TNFSF8: variants seen among roughly 807,000 people sequenced by gnomAD.
TNFSF8 encodes tumor necrosis factor ligand superfamily member 8.
TNFSF8 carries 4 observed loss-of-function variants against 22.0 expected under a neutral mutation model. That is an observed-to-expected ratio of 0.18 (90% CI 0.09 to 0.42). The LOEUF (loss-of-function observed/expected upper bound fraction) is 0.42. Among genes scored for constraint, TNFSF8 ranks in the 10% least tolerant of loss-of-function variants. The pLI is 1.00. For missense variants in TNFSF8, 233 were observed against 281.8 expected (o/e 0.83, Z 1.24); for synonymous variants, 106 against 112.5 (o/e 0.94, Z 0.37).
chr9:114,914,248 ACAGAGGGACCTAATATT>A (rs1232141663), intron 2 of TNFSF8, among the ~76,000 whole-genome samples: 2 of 152,180 alleles, frequency 1.3e-5, no homozygotes, highest in African/African-American at 4.8e-5. Context: ...TCTTGCAAGA[ACAGAGGGACCTAATATT>A]CAATTCTGTG....
At chr9:114,909,082 C>T (rs955916366) in intron 2 of TNFSF8, among the ~76,000 whole-genome samples, 1 of 152,172 alleles carries the variant, frequency 6.6e-6, no homozygotes, top group Non-Finnish European at 1.5e-5. Context: ...GCTGGCAGCT[C>T]ACAGAGTTGA....
chr9:114,918,121 T>C lies in TNFSF8; in HGVS notation c.213A>G (p.Ser71=). The C allele has an allele frequency of 6.2e-7, 1 of 1,607,756 alleles. No homozygotes were observed. Among genetic ancestry groups the C allele is most frequent in the Non-Finnish European group, 8.5e-7 (1 of 1,176,900 alleles). ...CTCCTTTGAGGGGGACGTTGTCAGG[T>C]GAGTTGGGAATGGAGTCCTGGAAGA... is the stretch of plus-strand genomic sequence containing the variant. ...VVQRTDSIPN[S]PDNVPLKGGN... The change falls in exon 2 of 4, where the codon TCA becomes TCG. Residue 71 remains serine, a synonymous_variant. Coordinates refer to ENST00000223795, the MANE Select transcript of TNFSF8 (RefSeq NM_001244.4).
intron 1 of TNFSF8, among the ~76,000 whole-genome samples, chr9:114,928,137 G>T (rs1009689612): frequency 4.6e-5 from 7 of 152,108 alleles, no homozygotes; most frequent in African/African-American, 9.7e-5. Flanking sequence ...ACAGCACACC[G>T]CACTGTACAA....
In TNFSF8 at chr9:114,901,220, T is replaced by C; in HGVS notation, c.*2711A>G. 1 of 985,456 alleles carries C rather than the reference T, an allele frequency of 1.0e-6. No individual in the cohort carries two copies. Among genetic ancestry groups the C allele is most frequent in the South Asian group, 4.7e-5 (1 of 21,288 alleles). 61.0% of individuals were successfully genotyped at this position (985,456 alleles called of 1,614,324 possible). A position where few individuals can be genotyped will look rare whatever the true frequency, so the allele number is the denominator to read the frequency against. On this transcript the variant is annotated 3_prime_UTR_variant, in exon 4 of 4. Transcript: ENST00000223795. ...CATGGAGTATCATTTGCTCATAACATTCCCAGGGGCTGGTTAACCCTCAAG... is the reference window on the plus strand; with the variant it reads ...CATGGAGTATCATTTGCTCATAACACTCCCAGGGGCTGGTTAACCCTCAAG...
intron 2 of TNFSF8, among the ~76,000 whole-genome samples, chr9:114,907,925 T>C (rs1435924966): frequency 6.6e-6 from 1 of 152,166 alleles, no homozygotes; most frequent in Non-Finnish European, 1.5e-5. Flanking sequence ...AGATCCAAAC[T>C]CAGGCTGCCT....
chr9:114,917,970 C>T (rs1827940760), intron 2 of TNFSF8, 126 bp downstream of exon 2: 3 of 906,196 alleles, frequency 3.3e-6, no homozygotes, highest in Non-Finnish European at 4.9e-6. Context: ...CCCTTGCCTC[C>T]ACCCCTACCC....
chr9:114,929,087 T>C (rs1021856366), intron 1 of TNFSF8, among the ~76,000 whole-genome samples: 1 of 152,228 alleles, frequency 6.6e-6, no homozygotes, highest in African/African-American at 2.4e-5. Flanking sequence ...AAAAAATTCA[T>C]GAGCAATATA....
In TNFSF8 at chr9:114,903,741, G is replaced by T; in HGVS notation, c.*190C>A. 2 of 1,352,548 alleles carry T rather than the reference G, an allele frequency of 1.5e-6. No individual in the cohort carries two copies. Among genetic ancestry groups the T allele is most frequent in the Non-Finnish European group, 1.9e-6 (2 of 1,057,286 alleles). The allele number at this position is 1,352,548 out of a possible 1,614,324, so 83.8% of individuals were successfully genotyped here. The stretch of plus-strand genomic sequence containing the variant: ...TTGCTTCCCTGCCTGCTATCTGAAA[G>T]ATACTTCACTAAAAACTCTCTTTTT... On this transcript the variant is annotated 3_prime_UTR_variant, in exon 4 of 4. Transcript: ENST00000223795.
At chr9:114,925,981 A>G (rs1179486486) in intron 1 of TNFSF8, among the ~76,000 whole-genome samples, 1 of 151,512 alleles carries the variant, frequency 6.6e-6, no homozygotes, top group Non-Finnish European at 1.5e-5. Flanking sequence ...TCTTGAGGAG[A>G]TAAGAGAAGT....
At chr9:114,924,790 G>A (rs900441458) in intron 1 of TNFSF8, among the ~76,000 whole-genome samples, 11 of 152,094 alleles carry the variant, frequency 7.2e-5, no homozygotes, top group East Asian at 1.9e-4. Context: ...CATTCTGCCC[G>A]GAACCCAAGA....
chr9:114,897,811 A>G (rs1456544067), downstream of TNFSF8, among the ~76,000 whole-genome samples: 1 of 151,998 alleles, frequency 6.6e-6, no homozygotes, highest in African/African-American at 2.4e-5. Flanking sequence ...CAGGAGATAG[A>G]TAGGGAGAGA....
Position 114,893,903 on chromosome 9 carries a change from C to T in TNFSF8, c.*176G>A, listed in dbSNP as rs913724852. 2.6e-5 allele frequency: 15 copies of T among 569,652 alleles called. 1 individual carries two copies. The highest frequency in any genetic ancestry group is 1.7e-4 in the South Asian group (8 of 46,130). 35.3% of individuals were successfully genotyped at this position (569,652 alleles called of 1,614,324 possible). A position where few individuals can be genotyped will look rare whatever the true frequency, so the allele number is the denominator to read the frequency against. On this transcript the variant is annotated 3_prime_UTR_variant, in exon 5 of 5. Coordinates refer to the TNFSF8 transcript ENST00000618336. ...TCTGGGGCCAGGAAGTATTGGGCCA[C>T]GATTCCAAATCATGGACAGGTCTAG...
chr9:114,909,895 G>T (rs986298204), intron 2 of TNFSF8, among the ~76,000 whole-genome samples: 3 of 152,190 alleles, frequency 2.0e-5, no homozygotes, highest in African/African-American at 7.2e-5. Context: ...CCCTGAGATG[G>T]CCTGGTTCAG....
intron 2 of TNFSF8, among the ~76,000 whole-genome samples, chr9:114,912,562 G>C (rs1554777291): frequency 6.6e-6 from 1 of 151,146 alleles, no homozygotes; most frequent in Non-Finnish European, 1.5e-5. Context: ...GCTAATTTTT[G>C]TATTTTTTTT....
rs1827733017 is a variant in TNFSF8 at position 114,902,768 on chromosome 9, G to A, written c.*1163C>T. On this transcript the variant is annotated 3_prime_UTR_variant, in exon 4 of 4. Transcript: ENST00000223795. Reference sequence around the variant, plus strand: ...GGTCTGGTCTTCTGAGATGGAAGAGGTTTTGAAGCAATTCAAACCCAGTCC... The same window carrying A: ...GGTCTGGTCTTCTGAGATGGAAGAGATTTTGAAGCAATTCAAACCCAGTCC... 33 of 985,306 alleles carry A rather than the reference G, an allele frequency of 3.3e-5. No homozygotes were observed. Among genetic ancestry groups the A allele is most frequent in the Non-Finnish European group, 3.7e-5 (31 of 829,820 alleles). The allele number at this position is 985,306 out of a possible 1,614,324, so 61.0% of individuals were successfully genotyped here. A position where few individuals can be genotyped will look rare whatever the true frequency, so the allele number is the denominator to read the frequency against.
chr9:114,918,735 G>A (rs958497070), intron 1 of TNFSF8, among the ~76,000 whole-genome samples: 1 of 152,172 alleles, frequency 6.6e-6, no homozygotes, highest in Non-Finnish European at 1.5e-5. Context: ...AGAGTAGCTG[G>A]GACTACAGGC....
intron 1 of TNFSF8, 134 bp downstream of exon 1, chr9:114,929,975 T>G (rs10982457): frequency 0.18 from 59,885 of 330,056 alleles, 6,757 homozygotes; most frequent in Admixed American, 0.34. Context: ...TATATATATA[T>G]ATAGAGAGAG....
Position 114,901,477 on chromosome 9 carries a change from G to A in TNFSF8, c.*2454C>T. Reference sequence around the variant, plus strand: ...TACCTCTGCTCAGAGAACAGTTGGTGAAAAATGAAAATGGAATCTTTCTCG... The same window carrying A: ...TACCTCTGCTCAGAGAACAGTTGGTAAAAAATGAAAATGGAATCTTTCTCG... On this transcript the variant is annotated 3_prime_UTR_variant, in exon 4 of 4. Coordinates refer to ENST00000223795, the MANE Select transcript of TNFSF8 (RefSeq NM_001244.4). 1.0e-6 allele frequency: 1 copy of A among 985,374 alleles called. No individual in the cohort carries two copies. Among genetic ancestry groups the A allele is most frequent in the Non-Finnish European group, 1.2e-6 (1 of 829,920 alleles). The allele number at this position is 985,374 out of a possible 1,614,324, so 61.0% of individuals were successfully genotyped here.
chr9:114,927,027 T>G (rs1480200022), intron 1 of TNFSF8, among the ~76,000 whole-genome samples: 1 of 138,676 alleles, frequency 7.2e-6, no homozygotes, highest in Non-Finnish European at 1.5e-5. Context: ...ATTTATAACA[T>G]AAAATGTTTA....
Sources: gnomAD v4.1 joint callset for allele counts (sites outside exome capture counted in the v4.1 genomes callset) on GRCh38, gnomAD v4.1.1 for gene constraint, MANE v1.5 for transcripts, NCBI Gene and HGNC (gene_info 2026-07-23, HGNC 2026-07-21) for gene names.